The following SLC16A4 variants were observed in gnomAD, a reference collection of about 807,000 sequenced individuals.
The protein encoded by SLC16A4 is solute carrier family 16 member 4.
Under a neutral mutation model 47.9 loss-of-function variants are expected in SLC16A4, and 39 were observed. The ratio of observed to expected loss-of-function variants is 0.81; its 90% CI spans 0.63 to 1.06. The LOEUF (loss-of-function observed/expected upper bound fraction) is 1.06. SLC16A4 is among the 50% of genes least tolerant of loss of function. The probability of loss-of-function intolerance (pLI) is 0.00; values close to 1 mark genes in which losing one functional copy is unlikely to be tolerated. For synonymous variants in SLC16A4, 189 were observed against 199.9 expected (o/e 0.95, Z 0.46); for missense variants, 524 against 573.8 (o/e 0.91, Z 0.89).
In SLC16A4 at chr1:110,379,032, G is replaced by A. The variant is rs1471999913; in HGVS notation, c.851C>T (p.Ser284Leu). Reference protein sequence around the residue: ...KSDEESDKVISWSCKQLFDIS... With the variant: ...KSDEESDKVILWSCKQLFDIS... ...GTCAAACAGTTGTTTGCAGCTCCAC[G>A]AAATAACCTTATCACTTTCTTCATC... Residue 284 changes from serine to leucine, a missense_variant, in exon 6 of 9, where the codon TCG (serine) becomes TTG (leucine). Coordinates refer to ENST00000369779, the MANE Select transcript of SLC16A4 (RefSeq NM_004696.3). 3 of 1,614,180 alleles carry A rather than the reference G, an allele frequency of 1.9e-6. No homozygotes were observed. The highest frequency in any genetic ancestry group is 1.7e-5 in the Admixed American group (1 of 60,018).
At chr1:110,380,632 G>A (rs1284291394) in intron 5 of SLC16A4, among the ~76,000 whole-genome samples, 5 of 115,116 alleles carry the variant, frequency 4.3e-5, no homozygotes, top group Admixed American at 3.4e-4. Flanking sequence ...TTGATGGGGC[G>A]GGGGCGGGGG....
At chr1:110,387,962 T>G (rs1662821661) in intron 2 of SLC16A4, among the ~76,000 whole-genome samples, 1 of 152,196 alleles carries the variant, frequency 6.6e-6, no homozygotes, top group East Asian at 1.9e-4. Flanking sequence ...GGAGGCCTGA[T>G]GTTTTCCCAC....
In SLC16A4 at chr1:110,383,051, C is replaced by T. The variant is rs561972522; in HGVS notation, c.88-85G>A. Reference sequence around the variant, plus strand: ...TACGGCTACTAGAAGTTATGATTCCCTCAGCTTACTACTATTTACCAGTTT... The same window carrying T: ...TACGGCTACTAGAAGTTATGATTCCTTCAGCTTACTACTATTTACCAGTTT... On this transcript the variant is annotated intron_variant, in intron 2 of 8. Transcript: ENST00000369779. 104 of 1,249,106 alleles carry T rather than the reference C, an allele frequency of 8.3e-5. No homozygotes were observed. The African/African-American group carries it at 1.2e-3, about 14-fold the overall frequency. 77.4% of individuals were successfully genotyped at this position (1,249,106 alleles called of 1,614,324 possible).
At position 110,378,632 on chromosome 1, in the gene SLC16A4, G is replaced by C. The variant is rs12030245; in HGVS notation, c.1030+221C>G. 0.02 allele frequency among the ~76,000 whole-genome samples: 3,026 copies of C among 152,282 alleles called. 161 individuals are homozygous for C. In the East Asian group the frequency reaches 0.23, roughly 12 times the overall value. Reference sequence around the variant, plus strand: ...TGTTATATGAAGATGAATAAGACTTGATTTAGGGTCCACTGTCTAGTAGGG... The same window carrying C: ...TGTTATATGAAGATGAATAAGACTTCATTTAGGGTCCACTGTCTAGTAGGG... On this transcript the variant is annotated intron_variant, in intron 6 of 8. Transcript: ENST00000369779.
intron 2 of SLC16A4, among the ~76,000 whole-genome samples, chr1:110,386,680 C>G (rs1662752535): frequency 6.6e-6 from 1 of 152,202 alleles, no homozygotes; most frequent in South Asian, 2.1e-4. Context: ...TCAATACAGG[C>G]ACCAGGCTTT....
At chr1:110,377,389 G>A (rs918683475) in intron 6 of SLC16A4, among the ~76,000 whole-genome samples, 11 of 152,176 alleles carry the variant, frequency 7.2e-5, no homozygotes, top group African/African-American at 2.7e-4. Context: ...GACCCATGTA[G>A]TTAGTGTTTT....
At chr1:110,381,532 C>A in intron 4 of SLC16A4, 120 bp downstream of exon 4, 1 of 941,536 alleles carries the variant, frequency 1.1e-6, no homozygotes, top group Non-Finnish European at 1.6e-6. Context: ...CCATGTTGCC[C>A]AGGCTGGTCT....
At chr1:110,387,774 G>C (rs1306075124) in intron 2 of SLC16A4, among the ~76,000 whole-genome samples, 1 of 48,276 alleles carries the variant, frequency 2.1e-5, no homozygotes, top group Non-Finnish European at 4.6e-5. Context: ...GCCCCAGGAA[G>C]GGCTCTCAGA....
Position 110,375,373 on chromosome 1 carries a change from A to G in SLC16A4, c.1336+85T>C, listed in dbSNP as rs147951433. 484 of 796,094 alleles carry G rather than the reference A, an allele frequency of 6.1e-4. No homozygotes were observed. The African/African-American group carries it at 7.3e-3, about 12-fold the overall frequency. 49.3% of individuals were successfully genotyped at this position (796,094 alleles called of 1,614,324 possible). A position where few individuals can be genotyped will look rare whatever the true frequency, so the allele number is the denominator to read the frequency against. ...AATCTGTTTCTTTTAACCTGATACC[A>G]TCATTACATGTTACCATTAATCCTG... On this transcript the variant is annotated intron_variant, in intron 8 of 8. Transcript: ENST00000369779.
rs143333053 is a variant in SLC16A4 at position 110,384,735 on chromosome 1, G to C, written c.88-1769C>G. 5.4e-3 allele frequency among the ~76,000 whole-genome samples: 824 copies of C among 152,268 alleles called. 7 individuals carry two copies. The highest frequency in any genetic ancestry group is 0.017 in the African/African-American group (726 of 41,542). On this transcript the variant is annotated intron_variant, in intron 2 of 8. Transcript: ENST00000369779. ...GCTTATGAACCACAAAACCAGCTGG[G>C]CATGGAGGCTCCTGCCTATAATCCT...
chr1:110,379,148 A>T lies in SLC16A4; in HGVS notation c.735T>A (p.Ala245=), dbSNP rs755210927. 1 of 1,614,252 alleles carries T rather than the reference A, an allele frequency of 6.2e-7. No homozygotes were observed. Among genetic ancestry groups the T allele is most frequent in the East Asian group, 2.2e-5 (1 of 44,886 alleles). ...STIKDSTTQK[A]GLPSKNLTVS... is the part of the protein sequence containing the mutation. ...CTGTTAAATTTTTGCTAGGTAGTCC[A>T]GCCTTCTGCGTAGTACTGTCCTTGA... The change falls in exon 6 of 9, where the codon GCT becomes GCA. Residue 245 remains alanine, a synonymous_variant. Coordinates refer to ENST00000369779, the MANE Select transcript of SLC16A4 (RefSeq NM_004696.3).
intron 6 of SLC16A4, among the ~76,000 whole-genome samples, chr1:110,378,345 G>C (rs1662131725): frequency 6.6e-6 from 1 of 152,134 alleles, no homozygotes; most frequent in Non-Finnish European, 1.5e-5. Flanking sequence ...AATCTTATGA[G>C]GGTAGATACT....
In SLC16A4 at chr1:110,363,641, A is replaced by C; in HGVS notation, c.*125T>G. 1 of 1,047,770 alleles carries C rather than the reference A, an allele frequency of 9.5e-7. No homozygotes were observed. The highest frequency in any genetic ancestry group is 1.3e-6 in the Non-Finnish European group (1 of 759,746). The allele number at this position is 1,047,770 out of a possible 1,614,324, so 64.9% of individuals were successfully genotyped here. The stretch of plus-strand genomic sequence containing the variant: ...ACTCCGTCTCAAAAAAAAAAAAAAA[A>C]AAATTGTTTTCCTTCTCATGTTACA... On this transcript the variant is annotated 3_prime_UTR_variant, in exon 9 of 9. Coordinates refer to ENST00000369779, the MANE Select transcript of SLC16A4 (RefSeq NM_004696.3).
chr1:110,382,688 G>T, intron 3 of SLC16A4, 146 bp downstream of exon 3: 1 of 763,834 alleles, frequency 1.3e-6, no homozygotes. Context: ...GCTAAATATT[G>T]CAATTCCTTA....
chr1:110,378,943 C>T lies in SLC16A4; in HGVS notation c.940G>A (p.Ala314Thr), dbSNP rs572174202. 20 of 1,614,008 alleles carry T rather than the reference C, an allele frequency of 1.2e-5. No individual in the cohort carries two copies. Among genetic ancestry groups the T allele is most frequent in the South Asian group, 2.2e-5 (2 of 91,090 alleles). The stretch of plus-strand genomic sequence containing the variant: ...AGGTGAAAGGTAGGGATGAAGTATG[C>T]TAACTGACTGAGGAGAAAAGACCAA... ...FTWSFLLSQL[A>T]YFIPTFHLVA... The change falls in exon 6 of 9, where the codon GCA becomes ACA. Residue 314 changes from alanine to threonine, a missense_variant. Coordinates refer to ENST00000369779, the MANE Select transcript of SLC16A4 (RefSeq NM_004696.3).
chr1:110,383,843 G>C (rs1444900717), intron 2 of SLC16A4, among the ~76,000 whole-genome samples: 2 of 83,530 alleles, frequency 2.4e-5, no homozygotes, highest in African/African-American at 9.8e-5. Context: ...GGAAACGGCT[G>C]TTAGTTTCTC....
At position 110,389,222 on chromosome 1, in the gene SLC16A4, AAAG is replaced by A. The variant is rs752017846; in HGVS notation, c.87+12_87+14del. The A allele has an allele frequency of 2.5e-6, 4 of 1,606,118 alleles. No individual in the cohort carries two copies. Among genetic ancestry groups the A allele is most frequent in the Non-Finnish European group, 3.4e-6 (4 of 1,172,658 alleles). ...TTTTAGGCAATAGGAAAGGGGGAAAAAAGTGAATTCTTACCAGGAAAAAATGAA... is the reference window on the plus strand; with the variant it reads ...TTTTAGGCAATAGGAAAGGGGGAAAATGAATTCTTACCAGGAAAAAATGAA... On this transcript the variant is annotated intron_variant, in intron 2 of 8. Coordinates refer to ENST00000369779, the MANE Select transcript of SLC16A4 (RefSeq NM_004696.3).
chr1:110,377,554 G>T (rs1273354989), intron 6 of SLC16A4, among the ~76,000 whole-genome samples: 1 of 152,214 alleles, frequency 6.6e-6, no homozygotes, highest in Non-Finnish European at 1.5e-5. Context: ...TCAGGTCAGT[G>T]TCTTGGGGAA....
chr1:110,390,585 A>T (rs1461356236), intron 1 of SLC16A4, among the ~76,000 whole-genome samples: 1 of 152,244 alleles, frequency 6.6e-6, no homozygotes, highest in African/African-American at 2.4e-5. Flanking sequence ...TAAAGTATTC[A>T]GGAGTAACAT....
Sources: gnomAD v4.1 joint callset for allele counts (sites outside exome capture counted in the v4.1 genomes callset) on GRCh38, gnomAD v4.1.1 for gene constraint, MANE v1.5 for transcripts, NCBI Gene and HGNC (gene_info 2026-07-23, HGNC 2026-07-21) for gene names.